The following MYO18B variants were observed in gnomAD, a reference collection of about 807,000 sequenced individuals.
The protein encoded by MYO18B is myosin XVIIIB.
A neutral mutation model predicts 273.0 loss-of-function variants in MYO18B; 204 were observed. The observed-to-expected ratio is 0.75, with a 90% confidence interval of 0.67 to 0.84. The LOEUF (loss-of-function observed/expected upper bound fraction) is 0.84. Among genes scored for constraint, MYO18B ranks in the 40% least tolerant of loss-of-function variants. The pLI is 0.00. For missense variants in MYO18B, 3,212 were observed against 3,287.6 expected (o/e 0.98, Z 0.56); for synonymous variants, 1,330 against 1,305.7 (o/e 1.02, Z -0.40).
At chr22:25,764,945 G>A (rs2086452807) in intron 3 of MYO18B, among the ~76,000 whole-genome samples, 1 of 152,228 alleles carries the variant, frequency 6.6e-6, no homozygotes, top group African/African-American at 2.4e-5. Flanking sequence ...GAGCGAGGGG[G>A]AGAGCCTGTG....
At chr22:25,898,186 C>T in intron 28 of MYO18B, 121 bp from the exon 29 acceptor site, 1 of 1,135,122 alleles carries the variant, frequency 8.8e-7, no homozygotes, top group Non-Finnish European at 1.2e-6. Flanking sequence ...CAGGGTCTCC[C>T]CATTCCAGCA....
chr22:26,054,120 G>A, the MYO18B span, among the ~76,000 whole-genome samples: 2 of 152,164 alleles, frequency 1.3e-5, no homozygotes, highest in East Asian at 3.9e-4. Context: ...GGGGTTTCTA[G>A]TCTGGGTGAC....
the MYO18B span, among the ~76,000 whole-genome samples, chr22:26,040,555 G>T: frequency 1.3e-5 from 2 of 152,214 alleles, no homozygotes; most frequent in African/African-American, 4.8e-5. Context: ...AAATAAAGCT[G>T]TAGAAGGGAC....
rs1226822967 is a variant in MYO18B, at chr22:25,952,961, G to A, written c.5970+538G>A. Among the ~76,000 whole-genome samples the A allele has an allele frequency of 3.3e-5, 5 of 152,222 alleles. No individual in the cohort carries two copies. The South Asian group carries it at 1.0e-3, about 32-fold the overall frequency. ...ATGTCTTTGTAAGCAATGTGGGTAAGATATGTACATAAATATCTGTAATAT... is the reference window on the plus strand; with the variant it reads ...ATGTCTTTGTAAGCAATGTGGGTAAAATATGTACATAAATATCTGTAATAT... On this transcript the variant is annotated intron_variant, in intron 38 of 43. Coordinates refer to ENST00000335473, the MANE Select transcript of MYO18B (RefSeq NM_032608.7).
chr22:25,999,552 C>T (rs1367003236), intron 40 of MYO18B, among the ~76,000 whole-genome samples: 1 of 38,556 alleles, frequency 2.6e-5, no homozygotes, highest in Non-Finnish European at 5.2e-5. Context: ...TTCCCCCTCC[C>T]CCTCTTCCCC....
At chr22:25,894,419 G>A (rs2146298272) in intron 27 of MYO18B, among the ~76,000 whole-genome samples, 1 of 152,252 alleles carries the variant, frequency 6.6e-6, no homozygotes, top group Non-Finnish European at 1.5e-5. Flanking sequence ...AACTTAATGG[G>A]CATTATTCTA....
At chr22:25,982,897 A>G (rs1305288972) in intron 39 of MYO18B, among the ~76,000 whole-genome samples, 1 of 152,208 alleles carries the variant, frequency 6.6e-6, no homozygotes, top group Non-Finnish European at 1.5e-5. Flanking sequence ...AAATACCTTG[A>G]GCCAGAACCA....
At chr22:25,791,743 T>C (rs1429398276) in intron 11 of MYO18B, among the ~76,000 whole-genome samples, 1 of 152,144 alleles carries the variant, frequency 6.6e-6, no homozygotes, top group African/African-American at 2.4e-5. Context: ...TTGTCAACTG[T>C]TAGGGAATGG....
At chr22:25,910,151 A>G (rs867397567) in intron 32 of MYO18B, among the ~76,000 whole-genome samples, 3 of 152,190 alleles carry the variant, frequency 2.0e-5, no homozygotes, top group African/African-American at 7.2e-5. Context: ...CAGATGTCTG[A>G]GTTCAGGCTG....
chr22:25,811,620 T>C (rs984218726), intron 12 of MYO18B, among the ~76,000 whole-genome samples: 1 of 152,202 alleles, frequency 6.6e-6, no homozygotes, highest in African/African-American at 2.4e-5. Flanking sequence ...TCTATGCCCT[T>C]TGCTTTTTTC....
chr22:25,868,078 C>T lies in MYO18B; in HGVS notation c.3886-242C>T, dbSNP rs559031196. 1.7e-3 allele frequency among the ~76,000 whole-genome samples: 261 copies of T among 152,280 alleles called. 1 individual carries two copies. The highest frequency in any genetic ancestry group is 5.2e-3 in the African/African-American group (218 of 41,554). ...TATTTCATTTCGTATCTTTGGTTTT[C>T]TGCTCTGTAAAATAGGAGGATGAAA... is the stretch of plus-strand genomic sequence containing the variant. On this transcript the variant is annotated intron_variant, in intron 21 of 43. Transcript: ENST00000335473.
At chr22:25,893,932 C>T (rs1395756944) in intron 27 of MYO18B, among the ~76,000 whole-genome samples, 5 of 151,834 alleles carry the variant, frequency 3.3e-5, no homozygotes, top group African/African-American at 1.2e-4. Flanking sequence ...CACTAACATC[C>T]ATCCATCCAT....
chr22:25,973,524 A>G (rs1404361394), intron 39 of MYO18B, among the ~76,000 whole-genome samples: 4 of 152,218 alleles, frequency 2.6e-5, no homozygotes, highest in Non-Finnish European at 5.9e-5. Context: ...CTATCTCTCT[A>G]TAACATATAT....
At chr22:25,863,335 C>T (rs962041138) in intron 21 of MYO18B, among the ~76,000 whole-genome samples, 1 of 152,146 alleles carries the variant, frequency 6.6e-6, no homozygotes, top group African/African-American at 2.4e-5. Flanking sequence ...CACAAAGATA[C>T]TTTCTACTGT....
At chr22:25,936,783 C>T (rs536800844) in intron 34 of MYO18B, among the ~76,000 whole-genome samples, 41 of 152,254 alleles carry the variant, frequency 2.7e-4, no homozygotes, top group Non-Finnish European at 5.1e-4. Flanking sequence ...CAAATGCCTT[C>T]TCTCTGTGTC....
chr22:25,842,717 G>A (rs2145991613), intron 17 of MYO18B, among the ~76,000 whole-genome samples: 1 of 151,674 alleles, frequency 6.6e-6, no homozygotes, highest in South Asian at 2.1e-4. Flanking sequence ...CATTCAGTAT[G>A]GAGACAGCTA....
At chr22:25,909,791 G>A (rs558040016) in intron 32 of MYO18B, among the ~76,000 whole-genome samples, 7 of 152,160 alleles carry the variant, frequency 4.6e-5, no homozygotes, top group Non-Finnish European at 8.8e-5. Context: ...TATCTCTCAC[G>A]TTGGCAGGAA....
At chr22:26,035,889 G>A (rs1371057627), downstream of MYO18B, among the ~76,000 whole-genome samples, 2 of 152,194 alleles carry the variant, frequency 1.3e-5, no homozygotes, top group Non-Finnish European at 2.9e-5. Context: ...GAGGCTCAAA[G>A]GTCAATTTCC....
At chr22:25,855,285 C>CTTTTTTTTTTT (rs150338635) in intron 21 of MYO18B, among the ~76,000 whole-genome samples, 1 of 132,350 alleles carries the variant, frequency 7.6e-6, no homozygotes. Context: ...TTATCTCATT[C>CTTTTTTTTTTT]TTTTTTTTTT....
Sources: gnomAD v4.1 joint callset for allele counts (sites outside exome capture counted in the v4.1 genomes callset) on GRCh38, gnomAD v4.1.1 for gene constraint, MANE v1.5 for transcripts, NCBI Gene and HGNC (gene_info 2026-07-23, HGNC 2026-07-21) for gene names.